Variants in IL10 observed in about 807,000 individuals in gnomAD.
IL10 encodes the protein interleukin 10, also known as interleukin-10.
A neutral mutation model predicts 21.0 loss-of-function variants in IL10; 7 were observed. That is an observed-to-expected ratio of 0.33 (90% CI 0.19 to 0.63). The LOEUF is 0.63. Ranked by LOEUF, IL10 falls within the 20% of genes least tolerant of loss-of-function variation. The pLI, the probability that IL10 is intolerant of heterozygous loss-of-function variation, is 0.77. For synonymous variants in IL10, 83 were observed against 79.7 expected, an observed-to-expected ratio of 1.04 and a Z score of -0.22; for missense variants, 161 against 213.0, an observed-to-expected ratio of 0.76 and a Z score of 1.52.
chr1:206,771,549 G>A, intron 1 of IL10, 134 bp from the exon 2 acceptor site: 1 of 751,572 alleles, frequency 1.3e-6, no homozygotes, highest in Non-Finnish European at 2.3e-6. Flanking sequence ...ATCAAAAGGG[G>A]AGTTTTAAAA....
chr1:206,771,293 A>T, intron 2 of IL10, 63 bp downstream of exon 2: 1 of 1,441,260 alleles, frequency 6.9e-7, no homozygotes, highest in Non-Finnish European at 9.8e-7. Context: ...GCAATCAGGA[A>T]GCAGAGTCTC....
chr1:206,769,987 C>G (rs1674774358), intron 3 of IL10, 93 bp from the exon 4 acceptor site: 1 of 956,886 alleles, frequency 1.0e-6, no homozygotes, highest in Admixed American at 1.8e-5. Context: ...ATGAGGAGGC[C>G]AGATTTATCC....
At chr1:206,770,079 C>T (rs185700425) in intron 3 of IL10, among the ~76,000 whole-genome samples, 185 bp from the exon 4 acceptor site, 3 of 152,288 alleles carry the variant, frequency 2.0e-5, no homozygotes, top group Admixed American at 2.0e-4. Flanking sequence ...CTCCAGGACT[C>T]ACTCCAAGAT....
rs969851498 is a variant in IL10 at position 206,768,432 on chromosome 1, T to A, written c.*204A>T. Reference sequence around the variant, plus strand: ...ATAAATATTGAAAAAAATTATAATATTGGGCTTCTTTCTAAATCGTTCACA... The same window carrying A: ...ATAAATATTGAAAAAAATTATAATAATGGGCTTCTTTCTAAATCGTTCACA... On this transcript the variant is annotated 3_prime_UTR_variant, in exon 5 of 5. Coordinates refer to ENST00000423557, the MANE Select transcript of IL10 (RefSeq NM_000572.3). 1.8e-6 allele frequency: 1 copy of A among 552,908 alleles called. No homozygotes were observed. Among genetic ancestry groups the A allele is most frequent in the Non-Finnish European group, 3.2e-6 (1 of 312,362 alleles). The allele number at this position is 552,908 out of a possible 1,614,324, so 34.3% of individuals were successfully genotyped here. A position where few individuals can be genotyped will look rare whatever the true frequency, so the allele number is the denominator to read the frequency against.
Position 206,771,431 on chromosome 1 carries a change from A to G in IL10, c.166-16T>C, listed in dbSNP as rs2102439805. On this transcript the variant is annotated splice_polypyrimidine_tract_variant and intron_variant, in intron 1 of 4. Transcript: ENST00000423557. The stretch of plus-strand genomic sequence containing the variant: ...CCTTCATTTGCTGCAGGAAGAACAA[A>G]AGGAGAATGAACTTGAGGTTTGGGG... 4 of 1,592,664 alleles carry G rather than the reference A, an allele frequency of 2.5e-6. No homozygotes were observed. Among genetic ancestry groups the G allele is most frequent in the Middle Eastern group, 3.3e-4 (2 of 6,040 alleles).
At chr1:206,770,841 CT>C in intron 3 of IL10, 65 bp downstream of exon 3, 1 of 1,483,218 alleles carries the variant, frequency 6.7e-7, no homozygotes, top group Middle Eastern at 1.7e-4. Context: ...GTGAGTGTCC[CT>C]GCTGGTCTGT....
chr1:206,771,592 T>C (rs1674844851), intron 1 of IL10, among the ~76,000 whole-genome samples, 177 bp from the exon 2 acceptor site: 2 of 152,172 alleles, frequency 1.3e-5, no homozygotes. Context: ...GACCATCACT[T>C]AAATCAGGTC....
chr1:206,767,663 A>C lies in IL10; in HGVS notation c.*973T>G, dbSNP rs41432052. 12 of 152,466 alleles carry C rather than the reference A, an allele frequency of 7.9e-5. No individual in the cohort carries two copies. Among genetic ancestry groups the C allele is most frequent in the African/African-American group, 2.9e-4 (12 of 41,574 alleles). 9.4% of individuals were successfully genotyped at this position (152,466 alleles called of 1,614,324 possible). ...AAATCTGCTATGAAGACAGACAAAC[A>C]ATGTAACATTCCCAGAGGAATTGAA... On this transcript the variant is annotated 3_prime_UTR_variant, in exon 5 of 5. Transcript: ENST00000423557.
chr1:206,772,458 T>A lies in IL10; in HGVS notation c.-23A>T. On this transcript the variant is annotated 5_prime_UTR_variant, in exon 1 of 5. Coordinates refer to ENST00000423557, the MANE Select transcript of IL10 (RefSeq NM_000572.3). Reference sequence around the variant, plus strand: ...CATGCCTTCTTTTGCAAGTCTGTCTTGTGGTTTGGTTTTGCAAGAGCAAGC... The same window carrying A: ...CATGCCTTCTTTTGCAAGTCTGTCTAGTGGTTTGGTTTTGCAAGAGCAAGC... 1.2e-6 allele frequency: 2 copies of A among 1,613,296 alleles called. No homozygotes were observed. Among genetic ancestry groups the A allele is most frequent in the Non-Finnish European group, 1.7e-6 (2 of 1,179,946 alleles).
chr1:206,772,111 C>T (rs1674867631), intron 1 of IL10, among the ~76,000 whole-genome samples, 160 bp downstream of exon 1: 1 of 152,210 alleles, frequency 6.6e-6, no homozygotes, highest in Non-Finnish European at 1.5e-5. Context: ...CTCACCAAAC[C>T]CATGGCTTGA....
chr1:206,770,021 A>T, intron 3 of IL10, 127 bp from the exon 4 acceptor site: 1 of 736,014 alleles, frequency 1.4e-6, no homozygotes. Flanking sequence ...CACAGCTCCC[A>T]GAGAGAACTG....
rs3024493 is a variant in IL10 at position 206,770,623 on chromosome 1, C to A, written c.378+284G>T. The stretch of plus-strand genomic sequence containing the variant: ...GTGGAGGCCTGACTGAAGCTCTGGG[C>A]TCCTTTTATGAAGAGAGAGGGGAGT... On this transcript the variant is annotated intron_variant, in intron 3 of 4. Transcript: ENST00000423557. 58,863 of 472,530 alleles carry A rather than the reference C, an allele frequency of 0.12. 4,396 individuals carry two copies. Among genetic ancestry groups the A allele is most frequent in the Middle Eastern group, 0.16 (271 of 1,700 alleles). The allele number at this position is 472,530 out of a possible 1,614,324, so 29.3% of individuals were successfully genotyped here.
rs1372082219 is a variant in IL10, at chr1:206,768,820, G to A, written c.445-92C>T. On this transcript the variant is annotated intron_variant, in intron 4 of 4. Coordinates refer to ENST00000423557, the MANE Select transcript of IL10 (RefSeq NM_000572.3). ...CATGCTCATGGATGGGCATGACCTT[G>A]AGTGCAGAGGTTGCTTGTTCTCCCT... 1.0e-5 allele frequency: 8 copies of A among 779,530 alleles called. No homozygotes were observed. In the East Asian group the frequency reaches 1.8e-4, roughly 17 times the overall value. 48.3% of individuals were successfully genotyped at this position (779,530 alleles called of 1,614,324 possible). A position where few individuals can be genotyped will look rare whatever the true frequency, so the allele number is the denominator to read the frequency against.
rs1326114220 is a variant in IL10 at position 206,768,712 on chromosome 1, A to G, written c.461T>C (p.Ile154Thr). The change falls in exon 5 of 5, where the codon ATC becomes ACC. Residue 154 changes from isoleucine (I) to threonine (T), a missense_variant. Transcript: ENST00000423557. ...NAFNKLQEKG[I>T]YKAMSEFDIF... ...GTCAAACTCACTCATGGCTTTGTAG[A>G]TGCCTTTCTCTTGGAGCTGTGCAGA... The G allele has an allele frequency of 2.5e-6, 4 of 1,606,298 alleles. No individual in the cohort carries two copies. In the South Asian group the frequency reaches 4.4e-5, roughly 18 times the overall value.
intron 4 of IL10, among the ~76,000 whole-genome samples, chr1:206,769,266 G>A (rs989005926): frequency 2.0e-5 from 3 of 152,182 alleles, no homozygotes; most frequent in South Asian, 2.1e-4. Context: ...AAAAGTTCAC[G>A]CACAGTTGGA....
chr1:206,772,206 C>T, intron 1 of IL10, 65 bp downstream of exon 1: 2 of 1,443,412 alleles, frequency 1.4e-6, no homozygotes, highest in Non-Finnish European at 1.9e-6. Context: ...TCTTATAGTT[C>T]CAGGAGAATG....
chr1:206,771,153 G>A, intron 2 of IL10, 94 bp from the exon 3 acceptor site: 1 of 1,415,886 alleles, frequency 7.1e-7, no homozygotes, highest in Non-Finnish European at 1.0e-6. Context: ...CTTGGTTCTA[G>A]CGATCCTCCT....
intron 2 of IL10, 97 bp downstream of exon 2, chr1:206,771,259 C>A (rs534191384): frequency 1.6e-6 from 2 of 1,263,844 alleles, no homozygotes; most frequent in East Asian, 2.3e-5. Flanking sequence ...CTTTTCAAAG[C>A]GAAGGAAACA....
At chr1:206,771,174 C>T in intron 2 of IL10, 115 bp from the exon 3 acceptor site, 1 of 1,304,478 alleles carries the variant, frequency 7.7e-7, no homozygotes, top group Non-Finnish European at 1.1e-6. Flanking sequence ...TCACCAGAAG[C>T]CTCCCCGAAG....
Sources: gnomAD v4.1 joint callset for allele counts (sites outside exome capture counted in the v4.1 genomes callset) on GRCh38, gnomAD v4.1.1 for gene constraint, MANE v1.5 for transcripts, NCBI Gene and HGNC (gene_info 2026-07-23, HGNC 2026-07-21) for gene names.